PCDH15: variants seen among roughly 807,000 people sequenced by gnomAD.
PCDH15 encodes protocadherin related 15.
PCDH15 carries 129 observed loss-of-function variants against 178.5 expected under a neutral mutation model. That is an observed-to-expected ratio of 0.72 (90% CI 0.63 to 0.84). The LOEUF (loss-of-function observed/expected upper bound fraction) is 0.84. Among genes scored for constraint, PCDH15 ranks in the 40% least tolerant of loss-of-function variants. The pLI, the probability that PCDH15 is intolerant of heterozygous loss-of-function variation, is 0.00. For synonymous variants in PCDH15, 800 were observed against 732.0 expected (o/e 1.09, Z -1.50); for missense variants, 2,230 against 2,099.9 (o/e 1.06, Z -1.21).
chr10:53,917,023 T>C (rs1019633895), intron 25 of PCDH15, among the ~76,000 whole-genome samples: 1 of 152,112 alleles, frequency 6.6e-6, no homozygotes, highest in African/African-American at 2.4e-5. Flanking sequence ...ATGAGATATA[T>C]AGGAATATAG....
chr10:54,327,987 A>G (rs1938543315), intron 7 of PCDH15, among the ~76,000 whole-genome samples: 1 of 152,084 alleles, frequency 6.6e-6, no homozygotes, highest in South Asian at 2.1e-4. Flanking sequence ...GATAATCACC[A>G]AAGTTCATCC....
intron 2 of PCDH15, among the ~76,000 whole-genome samples, chr10:55,343,507 C>G (rs1189235217): frequency 6.6e-6 from 1 of 151,942 alleles, no homozygotes; most frequent in South Asian, 2.1e-4. Flanking sequence ...CATGTCACCT[C>G]TTCTTACCTT....
At chr10:54,171,233 C>A (rs2046873649) in intron 13 of PCDH15, among the ~76,000 whole-genome samples, 1 of 152,048 alleles carries the variant, frequency 6.6e-6, no homozygotes, top group Non-Finnish European at 1.5e-5. Flanking sequence ...ACCTTTATAT[C>A]CCTTACGGTC....
chr10:55,569,447 G>T (rs900200900), intron 2 of PCDH15, among the ~76,000 whole-genome samples: 1 of 151,786 alleles, frequency 6.6e-6, no homozygotes, highest in African/African-American at 2.4e-5. Context: ...GGCAAAAAGT[G>T]TTCATTTATT....
In PCDH15 at chr10:54,090,043, G is replaced by C; in HGVS notation, c.1938C>G (p.Asp646Glu). The change falls in exon 16 of 38, where the codon GAC becomes GAG. Residue 646 changes from aspartate (D) to glutamate (E), a missense_variant. Transcript: ENST00000644397. ...LNLQATDREG[D>E]SITYAIENGD... Reference sequence around the variant, plus strand: ...CATTCTCAATGGCATATGTTATTGAGTCTCCCTCTCGATCAGTTGCCTTCA... The same window carrying C: ...CATTCTCAATGGCATATGTTATTGACTCTCCCTCTCGATCAGTTGCCTTCA... 1 of 1,611,890 alleles carries C rather than the reference G, an allele frequency of 6.2e-7. No individual in the cohort carries two copies. Among genetic ancestry groups the C allele is most frequent in the East Asian group, 2.2e-5 (1 of 44,782 alleles).
intron 9 of PCDH15, among the ~76,000 whole-genome samples, chr10:54,226,028 A>AAG (rs1234676722): frequency 6.6e-6 from 1 of 151,946 alleles, no homozygotes; most frequent in African/African-American, 2.4e-5. Flanking sequence ...GTGAGAAAGA[A>AAG]AGAGAGAGAG....
chr10:54,133,065 G>A, intron 14 of PCDH15, 58 bp from the exon 15 acceptor site: 2 of 1,608,996 alleles, frequency 1.2e-6, no homozygotes, highest in Non-Finnish European at 1.7e-6. Context: ...TTTAATGTTA[G>A]ACTGCATTGT....
intron 18 of PCDH15, among the ~76,000 whole-genome samples, chr10:54,066,394 A>G (rs1349946577): frequency 6.6e-6 from 1 of 152,216 alleles, no homozygotes; most frequent in African/African-American, 2.4e-5. Flanking sequence ...TACCTAATGT[A>G]ATGAATTCAA....
intron 8 of PCDH15, among the ~76,000 whole-genome samples, chr10:54,278,336 C>T (rs1321052747): frequency 1.3e-5 from 2 of 151,482 alleles, no homozygotes; most frequent in Non-Finnish European, 3.0e-5. Flanking sequence ...GTGAACCTTG[C>T]CATAGTCCTT....
chr10:55,145,199 T>G (rs1184540037), intron 2 of PCDH15, among the ~76,000 whole-genome samples: 1 of 151,958 alleles, frequency 6.6e-6, no homozygotes, highest in Non-Finnish European at 1.5e-5. Context: ...CAGTTCCCCA[T>G]ACACCATCTA....
At chr10:53,884,011 T>C (rs1900432) in intron 26 of PCDH15, among the ~76,000 whole-genome samples, 96,828 of 151,712 alleles carry the variant, frequency 0.64, 31,542 homozygotes, top group Middle Eastern at 0.78. Flanking sequence ...CCACTGTGCC[T>C]GGCCTGTTTT....
At chr10:54,022,418 C>G (rs888014788) in intron 19 of PCDH15, among the ~76,000 whole-genome samples, 10 of 151,752 alleles carry the variant, frequency 6.6e-5, no homozygotes, top group African/African-American at 2.4e-4. Context: ...TATATTTTTT[C>G]TGTGTGTACA....
In PCDH15 at chr10:55,444,908, C is replaced by T. The variant is rs145159692; in HGVS notation, c.-156+182717G>A. Among the ~76,000 whole-genome samples the T allele has an allele frequency of 3.6e-3, 545 of 151,978 alleles. 4 individuals carry two copies. Among genetic ancestry groups the T allele is most frequent in the African/African-American group, 0.01 (424 of 41,470 alleles). ...ATGACATTTAAACACATATTCATCT[C>T]GTGACAGATGAAAAGGGAAAATAGG... On this transcript the variant is annotated intron_variant, in intron 2 of 5. Transcript: ENST00000613346.
At chr10:55,452,130 A>G (rs566721431) in intron 2 of PCDH15, among the ~76,000 whole-genome samples, 2 of 152,292 alleles carry the variant, frequency 1.3e-5, no homozygotes, top group East Asian at 3.9e-4. Flanking sequence ...ACTCTGATTA[A>G]GACAGTTATA....
intron 2 of PCDH15, among the ~76,000 whole-genome samples, chr10:55,484,715 C>A (rs1840260495): frequency 6.6e-6 from 1 of 151,678 alleles, no homozygotes; most frequent in Non-Finnish European, 1.5e-5. Context: ...GAATAGGGAA[C>A]CCAGATATAA....
intron 2 of PCDH15, among the ~76,000 whole-genome samples, chr10:55,049,253 G>A (rs1049947846): frequency 6.6e-6 from 1 of 151,762 alleles, no homozygotes. Context: ...GCTTTTATAC[G>A]CAATAGGGGC....
intron 26 of PCDH15, among the ~76,000 whole-genome samples, chr10:53,870,425 A>G (rs1312959333): frequency 6.6e-6 from 1 of 152,206 alleles, no homozygotes; most frequent in Non-Finnish European, 1.5e-5. Context: ...CCCTATTGTC[A>G]TATGTATGTT....
At chr10:54,492,758 A>G (rs2079721216) in intron 3 of PCDH15, among the ~76,000 whole-genome samples, 3 of 152,120 alleles carry the variant, frequency 2.0e-5, no homozygotes, top group Non-Finnish European at 4.4e-5. Flanking sequence ...TAACTGTTCA[A>G]TCTTATTATT....
At chr10:55,251,249 T>C (rs979687769) in intron 1 of PCDH15, among the ~76,000 whole-genome samples, 1 of 152,164 alleles carries the variant, frequency 6.6e-6, no homozygotes, top group Non-Finnish European at 1.5e-5. Flanking sequence ...TATATGTAGA[T>C]ACATGTATCT....
Sources: gnomAD v4.1 joint callset for allele counts (sites outside exome capture counted in the v4.1 genomes callset) on GRCh38, gnomAD v4.1.1 for gene constraint, MANE v1.5 for transcripts, NCBI Gene and HGNC (gene_info 2026-07-23, HGNC 2026-07-21) for gene names.